The following CCDC9 variants were observed in gnomAD, a reference collection of about 807,000 sequenced individuals.
CCDC9 encodes coiled-coil domain containing 9.
A neutral mutation model predicts 65.6 loss-of-function variants in CCDC9; 52 were observed. The ratio of observed to expected loss-of-function variants is 0.79; its 90% CI spans 0.63 to 1.00. CCDC9 has a LOEUF of 1.00. Among genes scored for constraint, CCDC9 ranks in the 50% least tolerant of loss-of-function variants. The probability of loss-of-function intolerance (pLI) is 0.00; values close to 1 mark genes in which losing one functional copy is unlikely to be tolerated. For missense variants in CCDC9, 834 were observed against 757.2 expected (o/e 1.10, Z -1.19); for synonymous variants, 332 against 280.3 (o/e 1.18, Z -1.84).
At chr19:47,275,532 A>G (rs1055386095), downstream of CCDC9, 4 of 798,634 alleles carry the variant, frequency 5.0e-6, no homozygotes, top group Admixed American at 7.0e-5. Flanking sequence ...TCTTGCAGCT[A>G]CTCTGTGGTC....
chr19:47,264,722 C>A, intron 6 of CCDC9, 36 bp downstream of exon 6: 1 of 1,602,032 alleles, frequency 6.2e-7, no homozygotes, highest in Non-Finnish European at 8.5e-7. Context: ...CAGGGCCGAG[C>A]TGCCTGGGCT....
At chr19:47,259,022 G>A (rs1002565025) in intron 3 of CCDC9, among the ~76,000 whole-genome samples, 8 of 152,198 alleles carry the variant, frequency 5.3e-5, no homozygotes, top group African/African-American at 1.9e-4. Flanking sequence ...AGGGGTCTGT[G>A]GGAGTCCAGA....
chr19:47,259,173 A>T (rs2059029622), intron 3 of CCDC9, among the ~76,000 whole-genome samples: 1 of 152,194 alleles, frequency 6.6e-6, no homozygotes. Flanking sequence ...GTTTGTGCAA[A>T]TGTTGGAAGC....
chr19:47,268,842 T>C (rs941501535), intron 8 of CCDC9, among the ~76,000 whole-genome samples: 23 of 151,170 alleles, frequency 1.5e-4, no homozygotes, highest in Admixed American at 2.7e-4. Context: ...GGTGTGAACC[T>C]GGGAGGTGGA....
At position 47,258,603 on chromosome 19, in the gene CCDC9, G is replaced by A. The variant is rs756505776; in HGVS notation, c.48G>A (p.Glu16=). Residue 16 remains glutamate, a synonymous_variant, in exon 3 of 12, where the codon GAG becomes GAA. Transcript: ENST00000221922. ...DLKSKEEKDA[E]LDKRIEALRR... is the part of the protein sequence containing the mutation. The stretch of plus-strand genomic sequence containing the variant: ...AATCAAAGGAGGAGAAGGATGCTGA[G>A]TTGGACAAGAGGATCGAGGCTCTTC... 8.7e-6 allele frequency: 14 copies of A among 1,614,076 alleles called. No homozygotes were observed. In the Admixed American group the frequency reaches 2.0e-4, roughly 23 times the overall value.
intron 8 of CCDC9, 103 bp from the exon 9 acceptor site, chr19:47,270,304 G>T: frequency 1.8e-6 from 2 of 1,123,830 alleles, no homozygotes; most frequent in Non-Finnish European, 1.3e-6. Flanking sequence ...CTGGTTGACC[G>T]TCTGTCTCTG....
rs1568643076 is a variant in CCDC9, at chr19:47,271,743, G to GTGTGTA, written c.*65_*66insTGTGTA. Reference sequence around the variant, plus strand: ...TGTGTGTGTGTGTGTGCGCGCGCGCGCGCGCGCGCGCGCGCGCTAGAGGGG... The same window carrying GTGTGTA: ...TGTGTGTGTGTGTGTGCGCGCGCGCGTGTGTACGCGCGCGCGCGCGCGCTAGAGGGG... On this transcript the variant is annotated 3_prime_UTR_variant, in exon 12 of 12. Transcript: ENST00000221922. 9 of 390,066 alleles carry GTGTGTA rather than the reference G, an allele frequency of 2.3e-5. No homozygotes were observed. The highest frequency in any genetic ancestry group is 2.8e-5 in the Non-Finnish European group (9 of 325,664). 24.2% of individuals were successfully genotyped at this position (390,066 alleles called of 1,614,324 possible).
In CCDC9 at chr19:47,271,778, T is replaced by C. The variant is rs946298516; in HGVS notation, c.*100T>C. 6.9e-7 allele frequency: 1 copy of C among 1,451,244 alleles called. No homozygotes were observed. The highest frequency in any genetic ancestry group is 9.0e-7 in the Non-Finnish European group (1 of 1,106,924). The allele number at this position is 1,451,244 out of a possible 1,614,324, so 89.9% of individuals were successfully genotyped here. On this transcript the variant is annotated 3_prime_UTR_variant, in exon 12 of 12. Transcript: ENST00000221922. ...GCGCGCGCTAGAGGGGTGTGGCTGG[T>C]GGGGGACCCTTGGGGCTGGGCCCTG... is the stretch of plus-strand genomic sequence containing the variant.
At position 47,258,677 on chromosome 19, in the gene CCDC9, G is replaced by A. The variant is rs756381152; in HGVS notation, c.108+14G>A. 17 of 1,596,236 alleles carry A rather than the reference G, an allele frequency of 1.1e-5. No homozygotes were observed. The highest frequency in any genetic ancestry group is 9.9e-5 in the South Asian group (9 of 90,754). Reference sequence around the variant, plus strand: ...CGGCGCTACCAGGTGCCCTAGCCCCGCCCTGGGAGACCCCATCCCCTCTCT... The same window carrying A: ...CGGCGCTACCAGGTGCCCTAGCCCCACCCTGGGAGACCCCATCCCCTCTCT... On this transcript the variant is annotated intron_variant, in intron 3 of 11. Transcript: ENST00000221922.
At chr19:47,257,121 G>A (rs2059015429) in intron 1 of CCDC9, among the ~76,000 whole-genome samples, 1 of 151,712 alleles carries the variant, frequency 6.6e-6, no homozygotes, top group African/African-American at 2.4e-5. Context: ...CCACGGGCGC[G>A]GCCAGAGCGT....
downstream of CCDC9, chr19:47,274,928 G>C (rs995882521): frequency 1.4e-4 from 184 of 1,334,560 alleles, no homozygotes; most frequent in Non-Finnish European, 1.7e-4. Flanking sequence ...GGATGCGGGG[G>C]ACCAGCTGCG....
chr19:47,257,348 C>T (rs1302427335), intron 1 of CCDC9, among the ~76,000 whole-genome samples: 2 of 147,914 alleles, frequency 1.4e-5, no homozygotes, highest in Non-Finnish European at 3.0e-5. Flanking sequence ...TAGGCTGTTG[C>T]CTGCGAGCCA....
At chr19:47,274,904 C>A (rs1386979581), downstream of CCDC9, 428 of 1,266,484 alleles carry the variant, frequency 3.4e-4, 2 homozygotes, top group African/African-American at 5.9e-3. Flanking sequence ...GGCGCGGAGC[C>A]GAGTGGGCTG....
chr19:47,261,758 G>T (rs1448352997), intron 5 of CCDC9, among the ~76,000 whole-genome samples: 2 of 148,698 alleles, frequency 1.3e-5, no homozygotes, highest in Non-Finnish European at 3.0e-5. Flanking sequence ...TGGCTCACGA[G>T]GCCTGTAATC....
Position 47,271,804 on chromosome 19 carries a change from G to A in CCDC9, c.*126G>A. On this transcript the variant is annotated 3_prime_UTR_variant, in exon 12 of 12. Transcript: ENST00000221922. ...GGGGGACCCTTGGGGCTGGGCCCTG[G>A]GACCCAGTGTGCCCCACAGCCCTGT... 1 of 1,447,668 alleles carries A rather than the reference G, an allele frequency of 6.9e-7. No homozygotes were observed. The highest frequency in any genetic ancestry group is 1.4e-5 in the African/African-American group (1 of 70,346). The allele number at this position is 1,447,668 out of a possible 1,614,324, so 89.7% of individuals were successfully genotyped here.
chr19:47,261,503 C>G lies in CCDC9; in HGVS notation c.462+664C>G, dbSNP rs536978043. 2.6e-5 allele frequency among the ~76,000 whole-genome samples: 4 copies of G among 152,160 alleles called. No individual in the cohort carries two copies. In the East Asian group the frequency reaches 5.8e-4, roughly 22 times the overall value. On this transcript the variant is annotated intron_variant, in intron 5 of 11. Transcript: ENST00000221922. Reference sequence around the variant, plus strand: ...CTGTGAGCTACCTGGCCTTGGGCAGCTCACTTCCCCTGTGAGCTTCTGGTT... The same window carrying G: ...CTGTGAGCTACCTGGCCTTGGGCAGGTCACTTCCCCTGTGAGCTTCTGGTT...
At chr19:47,262,253 G>C (rs1198532763) in intron 5 of CCDC9, among the ~76,000 whole-genome samples, 1 of 120,114 alleles carries the variant, frequency 8.3e-6, no homozygotes, top group Non-Finnish European at 1.6e-5. Flanking sequence ...GTCTCACTTT[G>C]TTGCCCAGGC....
intron 8 of CCDC9, among the ~76,000 whole-genome samples, chr19:47,267,336 TG>T (rs1411706806): frequency 6.6e-6 from 1 of 152,090 alleles, no homozygotes; most frequent in Non-Finnish European, 1.5e-5. Flanking sequence ...TGGAGTGCAG[TG>T]GGAGGATCTC....
chr19:47,272,820 C>G (rs1025578027), downstream of CCDC9, among the ~76,000 whole-genome samples: 13 of 152,146 alleles, frequency 8.5e-5, no homozygotes, highest in African/African-American at 1.7e-4. Flanking sequence ...TTGGGACCGA[C>G]GAAGTGCGAG....
Sources: gnomAD v4.1 joint callset for allele counts (sites outside exome capture counted in the v4.1 genomes callset) on GRCh38, gnomAD v4.1.1 for gene constraint, MANE v1.5 for transcripts, NCBI Gene and HGNC (gene_info 2026-07-23, HGNC 2026-07-21) for gene names.